SSBP3: variants seen among roughly 807,000 people sequenced by gnomAD.
SSBP3 encodes the protein single stranded DNA binding protein 3, also known as single-stranded DNA-binding protein 3.
SSBP3 carries 5 observed loss-of-function variants against 69.6 expected under a neutral mutation model. The observed-to-expected ratio is 0.07, with a 90% CI of 0.04 to 0.15. The LOEUF is 0.15. SSBP3 is among the 10% of genes least tolerant of loss of function. SSBP3 has a pLI of 1.00. For missense variants in SSBP3, 312 were observed against 534.0 expected (o/e 0.58, Z 4.10); for synonymous variants, 196 against 193.4 (o/e 1.01, Z -0.11).
At chr1:54,339,280 G>A (rs1557545471) in intron 4 of SSBP3, among the ~76,000 whole-genome samples, 1 of 152,370 alleles carries the variant, frequency 6.6e-6, no homozygotes, top group South Asian at 2.1e-4. Context: ...TTTTTAAAGA[G>A]AAAGCACTTA....
At chr1:54,300,564 C>T (rs551916219) in intron 4 of SSBP3, among the ~76,000 whole-genome samples, 1 of 152,364 alleles carries the variant, frequency 6.6e-6, no homozygotes, top group South Asian at 2.1e-4. Context: ...TACTCAGCTC[C>T]AGGATCCCAA....
intron 7 of SSBP3, 74 bp from the exon 8 acceptor site, chr1:54,251,934 CCCA>C: frequency 7.0e-6 from 9 of 1,285,692 alleles, no homozygotes; most frequent in Non-Finnish European, 1.0e-5. Context: ...ATCTACCTGT[CCCA>C]CCCAGTGCCC....
chr1:54,313,519 TCAAA>T (rs10583932), intron 4 of SSBP3, among the ~76,000 whole-genome samples: 32,667 of 144,666 alleles, frequency 0.23, 4,163 homozygotes, highest in East Asian at 0.44. Context: ...ACTCCTGGGC[TCAAA>T]CAATCTTCCC....
chr1:54,232,747 C>T (rs1644402915), intron 14 of SSBP3, among the ~76,000 whole-genome samples: 1 of 152,190 alleles, frequency 6.6e-6, no homozygotes, highest in Non-Finnish European at 1.5e-5. Context: ...CACGCGCCGC[C>T]ACGCCTGACT....
chr1:54,306,761 G>A (rs12041903), intron 4 of SSBP3, among the ~76,000 whole-genome samples: 5,670 of 152,008 alleles, frequency 0.037, 173 homozygotes, highest in South Asian at 0.14. Flanking sequence ...CCAGGAGTTC[G>A]AAACGAACCT....
chr1:54,268,065 G>A (rs1645131596), intron 5 of SSBP3, among the ~76,000 whole-genome samples: 1 of 152,204 alleles, frequency 6.6e-6, no homozygotes, highest in South Asian at 2.1e-4. Context: ...CAGAAGCTAG[G>A]AATCCTGTGC....
chr1:54,371,889 G>A (rs1647141577), intron 4 of SSBP3, among the ~76,000 whole-genome samples: 2 of 151,976 alleles, frequency 1.3e-5, no homozygotes, highest in African/African-American at 2.4e-5. Context: ...CGAGGGAAGG[G>A]CCTCCCACAA....
At chr1:54,301,311 C>T (rs2100999723) in intron 4 of SSBP3, among the ~76,000 whole-genome samples, 1 of 152,272 alleles carries the variant, frequency 6.6e-6, no homozygotes, top group African/African-American at 2.4e-5. Context: ...GTGTTGAAGA[C>T]CAGCAGCAGC....
intron 5 of SSBP3, among the ~76,000 whole-genome samples, chr1:54,271,109 TA>T (rs907677081): frequency 2.6e-5 from 4 of 152,128 alleles, no homozygotes; most frequent in Non-Finnish European, 5.9e-5. Context: ...GACATGAATG[TA>T]GATTTCTGAG....
intron 4 of SSBP3, among the ~76,000 whole-genome samples, chr1:54,357,268 G>A (rs1646883708): frequency 6.6e-6 from 1 of 152,118 alleles, no homozygotes; most frequent in African/African-American, 2.4e-5. Flanking sequence ...CTAACACAGT[G>A]GCCCAGGGTG....
intron 4 of SSBP3, among the ~76,000 whole-genome samples, chr1:54,311,917 C>T (rs1041468549): frequency 2.0e-5 from 3 of 152,158 alleles, no homozygotes; most frequent in African/African-American, 7.2e-5. Context: ...CCCTGCCCAG[C>T]GCACTCACAG....
At chr1:54,287,929 TA>T (rs1645521281) in intron 4 of SSBP3, among the ~76,000 whole-genome samples, 1 of 152,048 alleles carries the variant, frequency 6.6e-6, no homozygotes, top group Admixed American at 6.5e-5. Context: ...CAGCTGACGT[TA>T]AAAATAGGTT....
Position 54,303,267 on chromosome 1 carries a change from C to T in SSBP3, c.277-21740G>A, listed in dbSNP as rs150856852. On this transcript the variant is annotated intron_variant, in intron 4 of 17. Coordinates refer to ENST00000610401, the Ensembl canonical transcript of SSBP3. ...CCTCTCCTGACTACCTCTCCCTCCT[C>T]CTTGGTGCTCCTGCTACCAGTCCCT... Among the ~76,000 whole-genome samples, 45 of 139,528 alleles carry T rather than the reference C, an allele frequency of 3.2e-4. No homozygotes were observed. In the South Asian group the frequency reaches 6.3e-3, roughly 20 times the overall value. The allele number at this position is 139,528 out of a possible 152,430, so 91.5% of individuals were successfully genotyped here.
upstream of SSBP3, among the ~76,000 whole-genome samples, chr1:54,407,027 T>G (rs1229004494): frequency 6.6e-6 from 1 of 151,860 alleles, no homozygotes; most frequent in Non-Finnish European, 1.5e-5. Flanking sequence ...GGCTCCACGC[T>G]GAGAGCTGGG....
intron 4 of SSBP3, among the ~76,000 whole-genome samples, chr1:54,381,386 AAAAAAAAAAAAAAAAAAAAAAG>A (rs1461954282): frequency 8.3e-6 from 1 of 119,862 alleles, no homozygotes; most frequent in Non-Finnish European, 1.6e-5. Context: ...CCATCTCAAA[AAAAAAAAAAAAAAAAAAAAAAG>A]AGAGAGAGAG....
intron 13 of SSBP3, among the ~76,000 whole-genome samples, chr1:54,240,133 A>G (rs572348198): frequency 7.3e-6 from 1 of 136,234 alleles, no homozygotes; most frequent in Non-Finnish European, 1.5e-5. Flanking sequence ...ACACATGCCC[A>G]CGTATGTGCA....
At chr1:54,320,612 C>T (rs1287017748) in intron 4 of SSBP3, among the ~76,000 whole-genome samples, 1 of 152,200 alleles carries the variant, frequency 6.6e-6, no homozygotes, top group Non-Finnish European at 1.5e-5. Context: ...TGAGCCACTG[C>T]TCGCCCACCA....
chr1:54,362,788 G>A (rs977038127), intron 4 of SSBP3, among the ~76,000 whole-genome samples: 2 of 152,184 alleles, frequency 1.3e-5, no homozygotes, highest in Admixed American at 6.5e-5. Context: ...TGAGCCACAC[G>A]CTAGACTGCC....
chr1:54,329,320 T>C (rs948098869), intron 4 of SSBP3, among the ~76,000 whole-genome samples: 2 of 152,364 alleles, frequency 1.3e-5, no homozygotes, highest in Admixed American at 6.5e-5. Context: ...TTTTAAAATA[T>C]GCTGCAAAAA....
Sources: gnomAD v4.1 joint callset for allele counts (sites outside exome capture counted in the v4.1 genomes callset) on GRCh38, gnomAD v4.1.1 for gene constraint, MANE v1.5 for transcripts, NCBI Gene and HGNC (gene_info 2026-07-23, HGNC 2026-07-21) for gene names.